CACNA2D1: variants seen among roughly 807,000 people sequenced by gnomAD.
The protein encoded by CACNA2D1 is voltage-dependent calcium channel subunit alpha-2/delta-1.
CACNA2D1 carries 53 observed loss-of-function variants against 171.5 expected under a neutral mutation model. The ratio of observed to expected loss-of-function variants is 0.31; its 90% CI spans 0.25 to 0.39. The LOEUF is 0.39. CACNA2D1 is among the 10% of genes least tolerant of loss of function. CACNA2D1 has a pLI of 1.00. For synonymous variants in CACNA2D1, 442 were observed against 443.1 expected (o/e 1.00, Z 0.03); for missense variants, 903 against 1,299.8 (o/e 0.69, Z 4.69).
intron 10 of CACNA2D1, among the ~76,000 whole-genome samples, chr7:82,042,425 T>C (rs1804077586): frequency 6.6e-6 from 1 of 152,192 alleles, no homozygotes; most frequent in South Asian, 2.1e-4. Flanking sequence ...GAAAAGAGAT[T>C]GAAGGAGCTC....
Position 82,176,116 on chromosome 7 carries a change from G to C in CACNA2D1, c.295-5507C>G, listed in dbSNP as rs559177581. 5.3e-4 allele frequency among the ~76,000 whole-genome samples: 80 copies of C among 152,104 alleles called. No homozygotes were observed. In the Middle Eastern group the frequency reaches 0.02, roughly 39 times the overall value. ...ACAAATAGAATAAGAAAGCAGAGAA[G>C]ATCATTGTGTTCTGCCTGTGACACC... On this transcript the variant is annotated intron_variant, in intron 3 of 38. Coordinates refer to ENST00000356860, the MANE Select transcript of CACNA2D1 (RefSeq NM_000722.4).
At chr7:81,955,968 ATATATATATATATTTTT>A in intron 38 of CACNA2D1, among the ~76,000 whole-genome samples, 1 of 65,476 alleles carries the variant, frequency 1.5e-5, no homozygotes, top group Admixed American at 1.8e-4. Flanking sequence ...TGCTATATAT[ATATATATATATATTTTT>A]TTTTTTTTTT....
At chr7:82,199,928 A>C (rs1020950127) in intron 3 of CACNA2D1, among the ~76,000 whole-genome samples, 4 of 152,100 alleles carry the variant, frequency 2.6e-5, no homozygotes, top group African/African-American at 9.6e-5. Flanking sequence ...AAAACACACA[A>C]ATGAATCTCA....
chr7:81,968,169 G>T (rs1204197875), intron 29 of CACNA2D1, among the ~76,000 whole-genome samples: 2 of 151,360 alleles, frequency 1.3e-5, no homozygotes, highest in East Asian at 1.9e-4. Context: ...GTGATGGAGT[G>T]AATTCATGTA....
At position 82,391,444 on chromosome 7, in the gene CACNA2D1, C is replaced by T. The variant is rs144704647; in HGVS notation, c.96-41795G>A. 3.4e-3 allele frequency among the ~76,000 whole-genome samples: 517 copies of T among 152,242 alleles called. 2 individuals are homozygous for T. The highest frequency in any genetic ancestry group is 3.3e-3 in the Non-Finnish European group (224 of 68,010). On this transcript the variant is annotated intron_variant, in intron 1 of 38. Coordinates refer to ENST00000356860, the MANE Select transcript of CACNA2D1 (RefSeq NM_000722.4). ...TCATCTAAATCAGAAGCTCAGATTA[C>T]CAGATTAAGCTGCTTAAATTCAGAT...
intron 3 of CACNA2D1, among the ~76,000 whole-genome samples, chr7:82,325,418 A>C (rs1816524915): frequency 6.6e-6 from 1 of 152,192 alleles, no homozygotes; most frequent in Admixed American, 6.5e-5. Context: ...TGACTTTAAA[A>C]GACTTGAAAA....
intron 32 of CACNA2D1, among the ~76,000 whole-genome samples, chr7:81,965,019 C>CTGGA (rs1177651426): frequency 6.6e-6 from 1 of 151,808 alleles, no homozygotes; most frequent in East Asian, 1.9e-4. Flanking sequence ...CTGTGATGAA[C>CTGGA]TGGAACAAGT....
chr7:82,033,921 A>G (rs551723846), intron 11 of CACNA2D1, among the ~76,000 whole-genome samples: 26 of 152,234 alleles, frequency 1.7e-4, no homozygotes, highest in African/African-American at 6.3e-4. Context: ...TGTCAACCCT[A>G]GGTTCAGTGC....
chr7:82,303,080 G>A (rs763960976), intron 3 of CACNA2D1, among the ~76,000 whole-genome samples: 43 of 151,920 alleles, frequency 2.8e-4, no homozygotes, highest in Admixed American at 3.9e-4. Flanking sequence ...TGCAAGCTCC[G>A]CCTCCTGGGT....
intron 3 of CACNA2D1, among the ~76,000 whole-genome samples, chr7:82,260,233 A>G (rs962589925): frequency 1.4e-4 from 21 of 152,324 alleles, no homozygotes; most frequent in African/African-American, 4.6e-4. Context: ...AAATAAATAA[A>G]TAAATAAAAC....
At position 82,138,449 on chromosome 7, in the gene CACNA2D1, GTTTTTTTTT is replaced by G. The variant is rs5885271; in HGVS notation, c.355-1782_355-1774del. On this transcript the variant is annotated intron_variant, in intron 4 of 38. Coordinates refer to ENST00000356860, the MANE Select transcript of CACNA2D1 (RefSeq NM_000722.4). ...TAGTTTTGTTTTTTTTGTTTTTTTT[GTTTTTTTTT>G]TTTTTTGAGACAGAGTGTCGCTGTG... is the stretch of plus-strand genomic sequence containing the variant. Among the ~76,000 whole-genome samples the G allele has an allele frequency of 4.9e-5, 5 of 101,562 alleles. 1 individual carries two copies. The Middle Eastern group carries it at 0.016, about 335-fold the overall frequency. 66.6% of individuals were successfully genotyped at this position (101,562 alleles called of 152,430 possible).
chr7:82,059,409 A>G (rs1382014183), intron 10 of CACNA2D1, among the ~76,000 whole-genome samples: 1 of 152,142 alleles, frequency 6.6e-6, no homozygotes, highest in Non-Finnish European at 1.5e-5. Flanking sequence ...ATTGGTTTTT[A>G]TGTTAACAAG....
chr7:82,217,108 T>C (rs1801193505), intron 3 of CACNA2D1, among the ~76,000 whole-genome samples: 1 of 151,892 alleles, frequency 6.6e-6, no homozygotes, highest in South Asian at 2.1e-4. Flanking sequence ...CAGGATCTTT[T>C]TATTAGTATC....
chr7:82,267,615 T>C (rs1808028250), intron 3 of CACNA2D1, among the ~76,000 whole-genome samples: 1 of 152,224 alleles, frequency 6.6e-6, no homozygotes, highest in South Asian at 2.1e-4. Context: ...TTTTTATAAC[T>C]GTCACCTCAT....
At chr7:82,131,660 A>G (rs916167314) in intron 5 of CACNA2D1, among the ~76,000 whole-genome samples, 1 of 152,212 alleles carries the variant, frequency 6.6e-6, no homozygotes, top group African/African-American at 2.4e-5. Context: ...TAGTTGATGT[A>G]GACGTATGAG....
chr7:82,185,521 GA>G (rs1797625883), intron 3 of CACNA2D1, among the ~76,000 whole-genome samples: 1 of 41,348 alleles, frequency 2.4e-5, no homozygotes, highest in Non-Finnish European at 5.1e-5. Context: ...GGAGGAGGGG[GA>G]GGAGGAGGAG....
At chr7:82,191,193 T>C (rs1798259706) in intron 3 of CACNA2D1, among the ~76,000 whole-genome samples, 1 of 151,788 alleles carries the variant, frequency 6.6e-6, no homozygotes, top group Non-Finnish European at 1.5e-5. Context: ...GTAATTTGCC[T>C]TAATCATTAT....
rs1215503010 is a variant in CACNA2D1, at chr7:82,111,452, T to A, written c.526+5592A>T. On this transcript the variant is annotated intron_variant, in intron 6 of 38. Coordinates refer to ENST00000356860, the MANE Select transcript of CACNA2D1 (RefSeq NM_000722.4). ...TGTATATATATATATATATTTTTTT[T>A]TTTTTTTTTTTTTGAGACAGGGTCT... Among the ~76,000 whole-genome samples, 435 of 115,980 alleles carry A rather than the reference T, an allele frequency of 3.8e-3. 12 individuals are homozygous for A. The highest frequency in any genetic ancestry group is 0.021 in the South Asian group (80 of 3,776). 76.1% of individuals were successfully genotyped at this position (115,980 alleles called of 152,430 possible). A position where few individuals can be genotyped will look rare whatever the true frequency, so the allele number is the denominator to read the frequency against.
At chr7:82,127,881 A>G (rs1466202963) in intron 5 of CACNA2D1, among the ~76,000 whole-genome samples, 1 of 152,068 alleles carries the variant, frequency 6.6e-6, no homozygotes. Flanking sequence ...GGCTCATCCA[A>G]TAATTTATCC....
Sources: gnomAD v4.1 joint callset for allele counts (sites outside exome capture counted in the v4.1 genomes callset) on GRCh38, gnomAD v4.1.1 for gene constraint, MANE v1.5 for transcripts, NCBI Gene and HGNC (gene_info 2026-07-23, HGNC 2026-07-21) for gene names.